The following MCTP2 variants were observed in gnomAD, a reference collection of about 807,000 sequenced individuals.
MCTP2 encodes the protein multiple C2 and transmembrane domain-containing protein 2.
In MCTP2, 132 loss-of-function variants were observed where a neutral mutation model predicts 111.6. The ratio of observed to expected loss-of-function variants is 1.18; its 90% CI spans 1.03 to 1.37. The LOEUF (loss-of-function observed/expected upper bound fraction) is 1.37. MCTP2 is among the 40% of genes most tolerant of loss of function. The probability of loss-of-function intolerance (pLI) is 0.00; values close to 1 mark genes in which losing one functional copy is unlikely to be tolerated. For synonymous variants in MCTP2, 395 were observed against 387.7 expected, an observed-to-expected ratio of 1.02 and a Z score of -0.22; for missense variants, 1,183 against 1,067.9, an observed-to-expected ratio of 1.11 and a Z score of -1.50.
intron 1 of MCTP2, among the ~76,000 whole-genome samples, chr15:94,293,484 TA>T (rs887306712): frequency 9.2e-5 from 14 of 152,074 alleles, no homozygotes; most frequent in Admixed American, 4.6e-4. Context: ...AAATGAAAAT[TA>T]AAAACCCAGA....
intron 20 of MCTP2, among the ~76,000 whole-genome samples, chr15:94,466,405 G>A (rs549813378): frequency 6.6e-6 from 1 of 152,216 alleles, no homozygotes; most frequent in South Asian, 2.1e-4. Context: ...ACCAGTCCCA[G>A]GACCTACCAA....
At chr15:94,315,747 C>G in intron 4 of MCTP2, 110 bp downstream of exon 4, 1 of 753,888 alleles carries the variant, frequency 1.3e-6, no homozygotes, top group Non-Finnish European at 2.3e-6. Context: ...TTAGGATAGA[C>G]AGTGGCTCAA....
intron 20 of MCTP2, among the ~76,000 whole-genome samples, chr15:94,469,878 C>T (rs559061678): frequency 7.0e-6 from 1 of 142,378 alleles, no homozygotes; most frequent in Non-Finnish European, 1.5e-5. Context: ...TCAAAAAAGA[C>T]AAAAAAGAAA....
At chr15:94,332,806 G>A (rs2077188843) in intron 4 of MCTP2, among the ~76,000 whole-genome samples, 1 of 152,164 alleles carries the variant, frequency 6.6e-6, no homozygotes, top group South Asian at 2.1e-4. Context: ...TAATGCTTTT[G>A]TATTCAACAC....
chr15:94,286,523 TG>T (rs1376692279), intron 1 of MCTP2, among the ~76,000 whole-genome samples: 3 of 152,180 alleles, frequency 2.0e-5, no homozygotes, highest in African/African-American at 7.2e-5. Flanking sequence ...CAGACCTTTT[TG>T]TCCCATTTAT....
At chr15:94,471,212 C>T (rs914957781) in intron 21 of MCTP2, among the ~76,000 whole-genome samples, 13 of 152,142 alleles carry the variant, frequency 8.5e-5, no homozygotes, top group African/African-American at 1.2e-4. Context: ...AGCCGTTCTC[C>T]GTAAAGGGTC....
Position 94,384,629 on chromosome 15 carries a change from G to A in MCTP2, c.1685+505G>A, listed in dbSNP as rs76824674. ...GAGGCTGGATAGATTTAAGATCTTAGTTTGCTTCAGATTTCAAGGCACCTG... is the reference window on the plus strand; with the variant it reads ...GAGGCTGGATAGATTTAAGATCTTAATTTGCTTCAGATTTCAAGGCACCTG... On this transcript the variant is annotated intron_variant, in intron 13 of 22. Coordinates refer to ENST00000357742, the MANE Select transcript of MCTP2 (RefSeq NM_001385001.1). Among the ~76,000 whole-genome samples, 425 of 152,304 alleles carry A rather than the reference G, an allele frequency of 2.8e-3. 3 individuals carry two copies. The highest frequency in any genetic ancestry group is 0.01 in the Middle Eastern group (3 of 294).
chr15:94,462,063 T>A (rs2085248184), intron 20 of MCTP2, among the ~76,000 whole-genome samples: 1 of 152,182 alleles, frequency 6.6e-6, no homozygotes, highest in South Asian at 2.1e-4. Flanking sequence ...ACCAGTAGTT[T>A]TCATTTCCCT....
intron 17 of MCTP2, among the ~76,000 whole-genome samples, chr15:94,414,904 C>A (rs1041187936): frequency 6.6e-6 from 1 of 152,148 alleles, no homozygotes; most frequent in Admixed American, 6.6e-5. Flanking sequence ...TTCCAGAGAT[C>A]TGGACCTACC....
chr15:94,343,448 A>G (rs1047016675), intron 7 of MCTP2: 1 of 152,132 alleles, frequency 6.6e-6, no homozygotes. Flanking sequence ...TCTTCCAGTC[A>G]TCTTTGAGGT....
chr15:94,284,160 T>C (rs2074637340), intron 1 of MCTP2, among the ~76,000 whole-genome samples: 1 of 152,212 alleles, frequency 6.6e-6, no homozygotes, highest in South Asian at 2.1e-4. Flanking sequence ...TGTTTCTCAA[T>C]GGGACCTTAT....
intron 1 of MCTP2, among the ~76,000 whole-genome samples, chr15:94,235,254 C>CA (rs11296869): frequency 0.17 from 23,568 of 140,442 alleles, 2,218 homozygotes; most frequent in East Asian, 0.31. Context: ...AACTCCGTCT[C>CA]AAAAAAAAAA....
intron 17 of MCTP2, among the ~76,000 whole-genome samples, chr15:94,422,783 G>A (rs1168561116): frequency 6.6e-6 from 1 of 152,128 alleles, no homozygotes; most frequent in South Asian, 2.1e-4. Flanking sequence ...AGCATGTGAA[G>A]CCTTTTTAAA....
chr15:94,232,894 C>G (rs1335023627), intron 1 of MCTP2, among the ~76,000 whole-genome samples: 2 of 152,158 alleles, frequency 1.3e-5, no homozygotes, highest in Non-Finnish European at 2.9e-5. Context: ...GTGCCAAGCA[C>G]CATGCTAGGC....
At chr15:94,269,744 G>A (rs1418407014) in intron 1 of MCTP2, among the ~76,000 whole-genome samples, 4 of 152,050 alleles carry the variant, frequency 2.6e-5, no homozygotes, top group African/African-American at 9.7e-5. Flanking sequence ...TTATATTCCC[G>A]AGTTCACAGA....
chr15:94,380,223 G>A (rs2152451276), intron 12 of MCTP2, among the ~76,000 whole-genome samples: 1 of 152,272 alleles, frequency 6.6e-6, no homozygotes, highest in East Asian at 1.9e-4. Flanking sequence ...TATGCATGCT[G>A]ACTGTGGAGT....
At chr15:94,338,684 A>G (rs570929824) in intron 4 of MCTP2, among the ~76,000 whole-genome samples, 10 of 152,198 alleles carry the variant, frequency 6.6e-5, no homozygotes, top group Admixed American at 4.6e-4. Context: ...GGCCTGGCTG[A>G]TGTGGAGTTC....
At chr15:94,465,415 A>G (rs1476218026) in intron 20 of MCTP2, among the ~76,000 whole-genome samples, 1 of 152,170 alleles carries the variant, frequency 6.6e-6, no homozygotes, top group East Asian at 1.9e-4. Context: ...CAGATTAACA[A>G]TAATAATGAA....
At chr15:94,327,788 C>T (rs1596367617) in intron 4 of MCTP2, among the ~76,000 whole-genome samples, 1 of 152,188 alleles carries the variant, frequency 6.6e-6, no homozygotes, top group Admixed American at 6.5e-5. Flanking sequence ...ACATGTTTGT[C>T]CCAACAGTCT....
Sources: allele counts gnomAD v4.1 joint callset (sites outside exome capture counted in the v4.1 genomes callset), GRCh38; gene constraint gnomAD v4.1.1; transcripts MANE v1.5; gene names NCBI Gene and HGNC (gene_info 2026-07-23, HGNC 2026-07-21).